SYT1: variants seen among roughly 807,000 people sequenced by gnomAD.
The protein encoded by SYT1 is synaptotagmin-1.
A neutral mutation model predicts 44.8 loss-of-function variants in SYT1; 8 were observed. The ratio of observed to expected loss-of-function variants is 0.18; its 90% confidence interval spans 0.10 to 0.32. The LOEUF (loss-of-function observed/expected upper bound fraction) is 0.32, where lower values mean the gene tolerates loss of function less well. Ranked by LOEUF, SYT1 falls within the 10% of genes least tolerant of loss-of-function variation. The pLI is 1.00. For missense variants in SYT1, 286 were observed against 509.3 expected (o/e 0.56, Z 4.22); for synonymous variants, 154 against 188.8 (o/e 0.82, Z 1.51).
intron 4 of SYT1, among the ~76,000 whole-genome samples, chr12:79,272,751 C>A (rs1479342174): frequency 6.6e-6 from 1 of 152,056 alleles, no homozygotes; most frequent in East Asian, 1.9e-4. Context: ...AAGTAGCAAC[C>A]ACATTCAAGC....
At chr12:79,087,313 G>A (rs552952395) in intron 3 of SYT1, among the ~76,000 whole-genome samples, 4 of 152,200 alleles carry the variant, frequency 2.6e-5, no homozygotes, top group East Asian at 1.9e-4. Context: ...TATGGAACTC[G>A]TTAACTTATG....
At chr12:78,876,699 T>C (rs1874103543) in intron 1 of SYT1, among the ~76,000 whole-genome samples, 1 of 119,682 alleles carries the variant, frequency 8.4e-6, no homozygotes, top group Admixed American at 1.1e-4. Flanking sequence ...ACACATGTAG[T>C]ATATTATATA....
chr12:78,885,134 G>A (rs1414354284), intron 1 of SYT1, among the ~76,000 whole-genome samples: 3 of 151,772 alleles, frequency 2.0e-5, no homozygotes, highest in Non-Finnish European at 4.4e-5. Context: ...AAATCTCTGA[G>A]CATTAGTTCA....
At chr12:79,083,681 T>A (rs1042922607) in intron 3 of SYT1, among the ~76,000 whole-genome samples, 1 of 152,186 alleles carries the variant, frequency 6.6e-6, no homozygotes, top group Non-Finnish European at 1.5e-5. Context: ...ACATATATTG[T>A]TTATATAGAT....
intron 9 of SYT1, among the ~76,000 whole-genome samples, chr12:79,428,628 CAG>C (rs1565953826): frequency 1.3e-5 from 2 of 152,140 alleles, no homozygotes; most frequent in Non-Finnish European, 2.9e-5. Context: ...GGGGACGGGA[CAG>C]GGCCAGAAAT....
chr12:79,085,059 G>T (rs546840596), intron 3 of SYT1, among the ~76,000 whole-genome samples: 15 of 152,094 alleles, frequency 9.9e-5, no homozygotes, highest in African/African-American at 2.9e-4. Context: ...TAAAATTTTT[G>T]TATGAAGCAA....
chr12:79,312,038 A>AAATT (rs202243263), intron 8 of SYT1, among the ~76,000 whole-genome samples: 3 of 151,948 alleles, frequency 2.0e-5, no homozygotes, highest in Non-Finnish European at 4.4e-5. Context: ...ATAAAAAATA[A>AAATT]AATTAATTAA....
At chr12:79,012,131 CAAAA>C (rs374383589) in intron 2 of SYT1, among the ~76,000 whole-genome samples, 6 of 73,502 alleles carry the variant, frequency 8.2e-5, no homozygotes, top group Non-Finnish European at 3.0e-5. Context: ...GATTCTGTCT[CAAAA>C]AAAAAAAAAA....
chr12:79,187,885 C>G (rs1005402563), intron 3 of SYT1, among the ~76,000 whole-genome samples: 11 of 152,118 alleles, frequency 7.2e-5, no homozygotes, highest in Non-Finnish European at 1.2e-4. Context: ...AGGGCACAAG[C>G]TAATCTTTAC....
intron 3 of SYT1, among the ~76,000 whole-genome samples, chr12:79,122,453 G>T (rs1194825189): frequency 7.6e-6 from 1 of 132,172 alleles, no homozygotes; most frequent in Non-Finnish European, 1.5e-5. Context: ...GGCGGAGCTT[G>T]CAGTGAGCCG....
intron 2 of SYT1, among the ~76,000 whole-genome samples, chr12:79,028,786 T>C (rs1872672978): frequency 6.6e-6 from 1 of 151,322 alleles, no homozygotes; most frequent in South Asian, 2.1e-4. Context: ...GTATTATAGT[T>C]GTATAATTGA....
chr12:79,001,607 C>G (rs935442086), intron 2 of SYT1, among the ~76,000 whole-genome samples: 5 of 152,162 alleles, frequency 3.3e-5, no homozygotes, highest in African/African-American at 9.6e-5. Flanking sequence ...CCACCATTAT[C>G]TGACTAATTG....
chr12:79,422,621 A>C (rs1869186438), intron 9 of SYT1, among the ~76,000 whole-genome samples: 1 of 151,872 alleles, frequency 6.6e-6, no homozygotes. Flanking sequence ...GCTCTGCTGA[A>C]GCTGTGTGAC....
intron 3 of SYT1, among the ~76,000 whole-genome samples, chr12:79,054,292 ACTTTT>A (rs1467489794): frequency 6.6e-6 from 1 of 152,036 alleles, no homozygotes; most frequent in African/African-American, 2.4e-5. Flanking sequence ...TGCACACGTT[ACTTTT>A]CTTTTCTACT....
chr12:79,362,105 G>T (rs1210132967), intron 9 of SYT1, among the ~76,000 whole-genome samples: 1 of 152,144 alleles, frequency 6.6e-6, no homozygotes, highest in Admixed American at 6.5e-5. Flanking sequence ...AGATGAAGAA[G>T]TAGAAACAGG....
chr12:79,035,301 C>T (rs1276474232), intron 2 of SYT1, among the ~76,000 whole-genome samples: 1 of 151,718 alleles, frequency 6.6e-6, no homozygotes, highest in Non-Finnish European at 1.5e-5. Context: ...TACCTCACTT[C>T]CCCAAAAGTT....
intron 4 of SYT1, among the ~76,000 whole-genome samples, chr12:79,278,111 A>G (rs552484893): frequency 8.5e-5 from 13 of 152,262 alleles, no homozygotes; most frequent in African/African-American, 3.1e-4. Context: ...TTGTCAAGGC[A>G]GAAAGTCAAC....
chr12:79,275,626 G>A (rs933641250), intron 4 of SYT1, among the ~76,000 whole-genome samples: 1 of 152,168 alleles, frequency 6.6e-6, no homozygotes, highest in African/African-American at 2.4e-5. Context: ...TCCCTCCCCT[G>A]TAAAGATTTC....
intron 4 of SYT1, among the ~76,000 whole-genome samples, chr12:79,274,538 C>A (rs2138783551): frequency 6.6e-6 from 1 of 152,326 alleles, no homozygotes; most frequent in African/African-American, 2.4e-5. Flanking sequence ...ACCTCCGCTG[C>A]TTTGCATCTG....
Sources: gnomAD v4.1 joint callset for allele counts (sites outside exome capture counted in the v4.1 genomes callset) on GRCh38, gnomAD v4.1.1 for gene constraint, MANE v1.5 for transcripts, NCBI Gene and HGNC (gene_info 2026-07-23, HGNC 2026-07-21) for gene names.